TINAG: variants seen among roughly 807,000 people sequenced by gnomAD.
TINAG encodes tubulointerstitial nephritis antigen.
Under a neutral mutation model 72.7 loss-of-function variants are expected in TINAG, and 83 were observed. The observed-to-expected ratio is 1.14, with a 90% confidence interval of 0.96 to 1.37. The LOEUF is 1.37. Among genes scored for constraint, TINAG ranks in the 40% most tolerant of loss-of-function variants. TINAG has a pLI of 0.00. For synonymous variants in TINAG, 234 were observed against 189.9 expected, an observed-to-expected ratio of 1.23 and a Z score of -1.91; for missense variants, 685 against 576.6, an observed-to-expected ratio of 1.19 and a Z score of -1.93.
chr6:54,332,049 T>C (rs1784754720), intron 4 of TINAG, among the ~76,000 whole-genome samples: 1 of 152,282 alleles, frequency 6.6e-6, no homozygotes, highest in East Asian at 1.9e-4. Context: ...TGCCTAAAGT[T>C]ATTTATAGAT....
chr6:54,352,255 A>G (rs1325836522), intron 8 of TINAG, among the ~76,000 whole-genome samples: 1 of 151,868 alleles, frequency 6.6e-6, no homozygotes, highest in African/African-American at 2.4e-5. Flanking sequence ...ACTGTTGCCA[A>G]TTTTAATTTT....
intron 6 of TINAG, among the ~76,000 whole-genome samples, chr6:54,347,915 A>C (rs1171822232): frequency 3.3e-5 from 5 of 152,110 alleles, no homozygotes; most frequent in African/African-American, 1.2e-4. Context: ...TAGGCTAAAC[A>C]TAAGAATAAT....
intron 1 of TINAG, among the ~76,000 whole-genome samples, chr6:54,310,832 C>CT (rs1319203374): frequency 4.4e-5 from 6 of 137,760 alleles, no homozygotes; most frequent in South Asian, 2.3e-4. Flanking sequence ...CTTTCTCTTT[C>CT]TTTTTTCTCT....
chr6:54,384,261 G>A (rs1049986979), intron 10 of TINAG, among the ~76,000 whole-genome samples: 2 of 152,058 alleles, frequency 1.3e-5, no homozygotes, highest in Non-Finnish European at 2.9e-5. Context: ...TAGATGATGA[G>A]TTGATGGGTG....
At chr6:54,322,074 G>T (rs1784503134) in intron 3 of TINAG, among the ~76,000 whole-genome samples, 1 of 152,074 alleles carries the variant, frequency 6.6e-6, no homozygotes, top group Admixed American at 6.6e-5. Flanking sequence ...GGCCAAGGTG[G>T]GTGGGTGGAT....
intron 5 of TINAG, among the ~76,000 whole-genome samples, chr6:54,346,333 G>GA (rs763035209): frequency 6.6e-6 from 1 of 151,826 alleles, no homozygotes; most frequent in Non-Finnish European, 1.5e-5. Context: ...ATGTGTTGAG[G>GA]AAAGGAATGA....
intron 1 of TINAG, among the ~76,000 whole-genome samples, chr6:54,310,106 T>TGTGTGTGA (rs1331616968): frequency 8.0e-5 from 12 of 150,266 alleles, no homozygotes; most frequent in Non-Finnish European, 1.6e-4. Context: ...TGTGTGTGTG[T>TGTGTGTGA]GAGTCTTGCT....
At chr6:54,313,954 G>T (rs1344347408) in intron 1 of TINAG, among the ~76,000 whole-genome samples, 1 of 152,092 alleles carries the variant, frequency 6.6e-6, no homozygotes, top group Non-Finnish European at 1.5e-5. Context: ...ATCCATGATT[G>T]TGGTAAGCAT....
intron 9 of TINAG, among the ~76,000 whole-genome samples, chr6:54,377,488 G>A (rs995516716): frequency 3.3e-5 from 5 of 151,688 alleles, no homozygotes; most frequent in African/African-American, 1.2e-4. Context: ...CTCCAGCCTG[G>A]GCAACAGGGT....
intron 10 of TINAG, among the ~76,000 whole-genome samples, chr6:54,387,494 A>G (rs9474829): frequency 0.099 from 15,020 of 152,204 alleles, 1,364 homozygotes; most frequent in East Asian, 0.29. Context: ...TATATTTTGC[A>G]TTATTCCATT....
intron 9 of TINAG, among the ~76,000 whole-genome samples, chr6:54,360,982 A>G (rs1462636251): frequency 4.0e-5 from 6 of 149,536 alleles, no homozygotes; most frequent in Admixed American, 1.3e-4. Context: ...AATTCTCACA[A>G]TATTTCAAAC....
At chr6:54,316,068 C>T (rs189799374) in intron 1 of TINAG, among the ~76,000 whole-genome samples, 6 of 152,232 alleles carry the variant, frequency 3.9e-5, no homozygotes, top group East Asian at 1.9e-4. Context: ...TGTCCTTTTA[C>T]GTGTTCCCAC....
intron 4 of TINAG, among the ~76,000 whole-genome samples, chr6:54,332,667 C>A (rs1260000916): frequency 6.6e-6 from 1 of 152,194 alleles, no homozygotes; most frequent in Non-Finnish European, 1.5e-5. Context: ...AAACTATCAT[C>A]AGAGTGAACA....
At chr6:54,334,460 A>G (rs1056903577) in intron 4 of TINAG, among the ~76,000 whole-genome samples, 12 of 152,224 alleles carry the variant, frequency 7.9e-5, no homozygotes, top group African/African-American at 2.7e-4. Context: ...TATAACTAGT[A>G]TCAGAGAAGA....
At chr6:54,376,879 T>C (rs968097356) in intron 9 of TINAG, among the ~76,000 whole-genome samples, 1 of 152,100 alleles carries the variant, frequency 6.6e-6, no homozygotes, top group Non-Finnish European at 1.5e-5. Context: ...AATAATTATG[T>C]GCATTGAGTG....
At chr6:54,337,804 C>G (rs1232509668) in intron 4 of TINAG, among the ~76,000 whole-genome samples, 1 of 152,160 alleles carries the variant, frequency 6.6e-6, no homozygotes, top group Non-Finnish European at 1.5e-5. Flanking sequence ...TTCTGGAATA[C>G]AGGAAGGGCT....
intron 1 of TINAG, among the ~76,000 whole-genome samples, chr6:54,316,955 G>A (rs575863420): frequency 1.9e-3 from 296 of 152,178 alleles, no homozygotes; most frequent in Middle Eastern, 3.4e-3. Flanking sequence ...CAAAACTGCC[G>A]TAATTTCAAC....
intron 9 of TINAG, among the ~76,000 whole-genome samples, chr6:54,366,420 T>A (rs1763421144): frequency 6.6e-6 from 1 of 151,686 alleles, no homozygotes; most frequent in Admixed American, 6.6e-5. Context: ...AAAATTATAT[T>A]CTTTCTTGCT....
At chr6:54,354,442 G>C (rs1359185261) in intron 8 of TINAG, 71 bp from the exon 9 acceptor site, 1 of 1,434,134 alleles carries the variant, frequency 7.0e-7, no homozygotes, top group Non-Finnish European at 9.4e-7. Context: ...GTTGTTCCGT[G>C]AAATTTTCTG....
Sources: gnomAD v4.1 joint callset for allele counts (sites outside exome capture counted in the v4.1 genomes callset) on GRCh38, gnomAD v4.1.1 for gene constraint, MANE v1.5 for transcripts, NCBI Gene and HGNC (gene_info 2026-07-23, HGNC 2026-07-21) for gene names.